The following LMX1A variants were observed in gnomAD, a reference collection of about 807,000 sequenced individuals.
The protein encoded by LMX1A is LIM homeobox transcription factor 1 alpha.
In LMX1A, 15 loss-of-function variants were observed where a neutral mutation model predicts 49.1. The ratio of observed to expected loss-of-function variants is 0.31; its 90% CI spans 0.20 to 0.47. The LOEUF (loss-of-function observed/expected upper bound fraction) is 0.47. Ranked by LOEUF, LMX1A falls within the 20% of genes least tolerant of loss-of-function variation. The probability of loss-of-function intolerance (pLI) is 1.00; values close to 1 mark genes in which losing one functional copy is unlikely to be tolerated. For synonymous variants in LMX1A, 167 were observed against 185.7 expected, an observed-to-expected ratio of 0.90 and a Z score of 0.82; for missense variants, 372 against 475.8, an observed-to-expected ratio of 0.78 and a Z score of 2.03.
At chr1:165,309,420 C>T (rs1252277461) in intron 3 of LMX1A, among the ~76,000 whole-genome samples, 1 of 152,204 alleles carries the variant, frequency 6.6e-6, no homozygotes, top group Middle Eastern at 3.2e-3. Context: ...AGACTGTCAG[C>T]TCATTTGTTA....
intron 3 of LMX1A, among the ~76,000 whole-genome samples, chr1:165,271,505 T>TCC (rs1472543684): frequency 4.6e-5 from 7 of 152,196 alleles, no homozygotes; most frequent in Non-Finnish European, 7.4e-5. Flanking sequence ...CTCATATAGT[T>TCC]CACCTGGGAT....
At chr1:165,242,536 A>G (rs1332197994) in intron 4 of LMX1A, among the ~76,000 whole-genome samples, 1 of 151,950 alleles carries the variant, frequency 6.6e-6, no homozygotes, top group Non-Finnish European at 1.5e-5. Flanking sequence ...TGTTTGAGAT[A>G]GCAAAAATGA....
chr1:165,220,681 A>G (rs546686136), intron 4 of LMX1A, among the ~76,000 whole-genome samples: 1 of 152,368 alleles, frequency 6.6e-6, no homozygotes, highest in East Asian at 1.9e-4. Context: ...CATATCAGAC[A>G]TAGTAAGCAA....
chr1:165,334,687 A>G (rs183142439), intron 3 of LMX1A, among the ~76,000 whole-genome samples: 12 of 152,388 alleles, frequency 7.9e-5, no homozygotes, highest in Admixed American at 7.8e-4. Flanking sequence ...TGTCCTGACC[A>G]TGAAAGGAAT....
intron 3 of LMX1A, among the ~76,000 whole-genome samples, chr1:165,350,385 A>G (rs1656390228): frequency 6.6e-6 from 1 of 152,218 alleles, no homozygotes; most frequent in African/African-American, 2.4e-5. Context: ...ACTTGATGGC[A>G]AGGACAACAC....
Position 165,225,515 on chromosome 1 carries a change from T to C in LMX1A, c.497-11702A>G, listed in dbSNP as rs1197445992. ...ATTAGTTAGCCTTGAATTTCTAACA[T>C]TAAAAACTCTTCAATACTGTCATTA... On this transcript the variant is annotated intron_variant, in intron 4 of 8. Transcript: ENST00000342310. Among the ~76,000 whole-genome samples, 6 of 152,350 alleles carry C rather than the reference T, an allele frequency of 3.9e-5. No homozygotes were observed. In the South Asian group the frequency reaches 8.3e-4, roughly 21 times the overall value.
At chr1:165,210,801 T>C in intron 5 of LMX1A, 25 bp from the exon 6 acceptor site, 1 of 1,569,960 alleles carries the variant, frequency 6.4e-7, no homozygotes, top group Non-Finnish European at 8.8e-7. Flanking sequence ...ACGAGAAATG[T>C]AGACACACTG....
intron 3 of LMX1A, among the ~76,000 whole-genome samples, chr1:165,307,512 A>G (rs903390679): frequency 2.0e-5 from 3 of 152,242 alleles, no homozygotes; most frequent in Non-Finnish European, 4.4e-5. Flanking sequence ...CACAGGCAGA[A>G]TGAAGAAGAG....
chr1:165,228,352 A>G (rs1168198903), intron 4 of LMX1A, among the ~76,000 whole-genome samples: 1 of 152,208 alleles, frequency 6.6e-6, no homozygotes, highest in African/African-American at 2.4e-5. Context: ...GCTAGCAGGT[A>G]GTAGCAGCTT....
chr1:165,212,805 T>C (rs984412059), intron 5 of LMX1A: 1 of 152,178 alleles, frequency 6.6e-6, no homozygotes, highest in Non-Finnish European at 1.5e-5. Context: ...AAGTTCTTGG[T>C]CACCCAGACA....
At chr1:165,264,803 T>A (rs956502963) in intron 3 of LMX1A, among the ~76,000 whole-genome samples, 1 of 151,618 alleles carries the variant, frequency 6.6e-6, no homozygotes, top group African/African-American at 2.4e-5. Context: ...TAAAAAAATT[T>A]AAAAATTAGG....
At chr1:165,291,485 G>A (rs1434635716) in intron 3 of LMX1A, among the ~76,000 whole-genome samples, 1 of 152,192 alleles carries the variant, frequency 6.6e-6, no homozygotes. Flanking sequence ...TCCAGAAAGT[G>A]AGGCAAATAA....
rs143033516 is a variant in LMX1A at position 165,252,552 on chromosome 1, G to T, written c.264-2912C>A. On this transcript the variant is annotated intron_variant, in intron 3 of 8. Transcript: ENST00000342310. The stretch of plus-strand genomic sequence containing the variant: ...CATTTTACTATTTCCAAAATAAAGA[G>T]GTTTTTTTCTTTTTAAAGTAGCAGC... Among the ~76,000 whole-genome samples the T allele has an allele frequency of 9.0e-4, 137 of 152,246 alleles. No homozygotes were observed. The East Asian group carries it at 0.024, about 27-fold the overall frequency.
chr1:165,267,896 T>C (rs1653677056), intron 3 of LMX1A, among the ~76,000 whole-genome samples: 1 of 152,100 alleles, frequency 6.6e-6, no homozygotes, highest in Admixed American at 6.5e-5. Flanking sequence ...AGAGTAAACA[T>C]CTCTTTCAAA....
chr1:165,311,814 A>C (rs1458590550), intron 3 of LMX1A, among the ~76,000 whole-genome samples: 1 of 152,170 alleles, frequency 6.6e-6, no homozygotes, highest in Non-Finnish European at 1.5e-5. Flanking sequence ...TTTTGCTATA[A>C]GGCCCAATTC....
chr1:165,301,553 T>G lies in LMX1A; in HGVS notation c.263+51523A>C, dbSNP rs1352401563. On this transcript the variant is annotated intron_variant, in intron 3 of 8. Coordinates refer to ENST00000342310, the MANE Select transcript of LMX1A (RefSeq NM_177398.4). ...TTCCAAGAAGTGCCCTTCTCCCTGT[T>G]TACCCAGACAGGCAGCTTCCAATCT... Among the ~76,000 whole-genome samples, 2 of 152,186 alleles carry G rather than the reference T, an allele frequency of 1.3e-5. 1 individual carries two copies. The highest frequency in any genetic ancestry group is 4.8e-5 in the African/African-American group (2 of 41,436).
chr1:165,353,337 C>G (rs1433937566), intron 2 of LMX1A, 75 bp from the exon 3 acceptor site: 9 of 1,237,258 alleles, frequency 7.3e-6, no homozygotes, highest in African/African-American at 1.5e-5. Context: ...GGGACCCGCT[C>G]CTGATCCCTT....
intron 4 of LMX1A, among the ~76,000 whole-genome samples, chr1:165,238,285 G>C (rs1218098471): frequency 6.6e-6 from 1 of 152,208 alleles, no homozygotes; most frequent in Non-Finnish European, 1.5e-5. Flanking sequence ...ATTGATGGGG[G>C]CTGTGGTTTG....
intron 3 of LMX1A, among the ~76,000 whole-genome samples, chr1:165,264,277 C>G (rs886722314): frequency 6.6e-6 from 1 of 152,082 alleles, no homozygotes; most frequent in Non-Finnish European, 1.5e-5. Context: ...GCTCCCCATA[C>G]CCAGCTCCAT....
Sources: allele counts gnomAD v4.1 joint callset (sites outside exome capture counted in the v4.1 genomes callset), GRCh38; gene constraint gnomAD v4.1.1; transcripts MANE v1.5; gene names NCBI Gene and HGNC (gene_info 2026-07-23, HGNC 2026-07-21).